The following ATXN7 variants were observed in gnomAD, a reference collection of about 807,000 sequenced individuals.
ATXN7 encodes ataxin 7, also known as ataxin-7.
A neutral mutation model predicts 70.5 loss-of-function variants in ATXN7; 12 were observed. The observed-to-expected ratio is 0.17, with a 90% CI of 0.11 to 0.28. The LOEUF (loss-of-function observed/expected upper bound fraction) is 0.28, where lower values mean the gene tolerates loss of function less well. Ranked by LOEUF, ATXN7 falls within the 10% of genes least tolerant of loss-of-function variation. The probability of loss-of-function intolerance (pLI) is 1.00; values close to 1 mark genes in which losing one functional copy is unlikely to be tolerated. For missense variants in ATXN7, 1,256 were observed against 1,131.7 expected (o/e 1.11, Z -1.58); for synonymous variants, 498 against 448.7 (o/e 1.11, Z -1.39).
chr3:63,970,554 C>T (rs961559230), intron 5 of ATXN7, among the ~76,000 whole-genome samples: 2 of 152,076 alleles, frequency 1.3e-5, no homozygotes, highest in African/African-American at 4.8e-5. Context: ...CAAAAAGCAA[C>T]AAGTTAGGCA....
intron 1 of ATXN7, among the ~76,000 whole-genome samples, chr3:63,894,935 TG>T (rs950305811): frequency 1.1e-4 from 16 of 152,126 alleles, no homozygotes; most frequent in African/African-American, 3.6e-4. Flanking sequence ...GGTTTCAGGT[TG>T]TTTTTTTTGT....
chr3:63,899,912 C>T lies in ATXN7; in HGVS notation c.-12+1415C>T, dbSNP rs140194514. 4.1e-3 allele frequency among the ~76,000 whole-genome samples: 620 copies of T among 152,096 alleles called. 2 individuals are homozygous for T. Among genetic ancestry groups the T allele is most frequent in the African/African-American group, 0.015 (602 of 41,496 alleles). ...GATTACACGCGTGAGCCACTGCGCC[C>T]GGCCTAAAAAAAATTTAAAAAATTA... On this transcript the variant is annotated intron_variant, in intron 2 of 12. Coordinates refer to ENST00000674280, the MANE Select transcript of ATXN7 (RefSeq NM_001377405.1).
Position 63,868,055 on chromosome 3 carries a change from T to C in ATXN7, c.-111+3897T>C, listed in dbSNP as rs74835545. Among the ~76,000 whole-genome samples the C allele has an allele frequency of 0.01, 1,528 of 152,226 alleles. 84 individuals are homozygous for C. The East Asian group carries it at 0.12, about 12-fold the overall frequency. The stretch of plus-strand genomic sequence containing the variant: ...GTGGCTGTGTTTTTAAAAAATTATA[T>C]CTAAAAATTCAGACCAGATCGTTTG... On this transcript the variant is annotated intron_variant, in intron 1 of 12. Coordinates refer to ENST00000674280, the MANE Select transcript of ATXN7 (RefSeq NM_001377405.1).
intron 4 of ATXN7, among the ~76,000 whole-genome samples, chr3:63,924,883 G>A (rs1012889372): frequency 6.6e-6 from 1 of 151,836 alleles, no homozygotes; most frequent in East Asian, 1.9e-4. Flanking sequence ...ATGATGAGGA[G>A]GTTTGTTTTA....
In ATXN7 at chr3:64,002,498, C is replaced by CTGT. The variant is rs2075843893; in HGVS notation, c.*3031_*3032insTGT. ...TTTTATGTGTGGGAGTATGTGACTG[C>CTGT]GTGTGTGTGTGCCTGTGCGTGTGTG... On this transcript the variant is annotated 3_prime_UTR_variant, in exon 13 of 13. Transcript: ENST00000674280. The CTGT allele has an allele frequency of 6.6e-6, 1 of 150,842 alleles. No individual in the cohort carries two copies. Among genetic ancestry groups the CTGT allele is most frequent in the East Asian group, 1.9e-4 (1 of 5,168 alleles). 9.3% of individuals were successfully genotyped at this position (150,842 alleles called of 1,614,324 possible). A position where few individuals can be genotyped will look rare whatever the true frequency, so the allele number is the denominator to read the frequency against.
chr3:63,963,517 A>G (rs1355397335), intron 5 of ATXN7, among the ~76,000 whole-genome samples: 1 of 152,052 alleles, frequency 6.6e-6, no homozygotes, highest in East Asian at 1.9e-4. Context: ...ATCCTTGTAT[A>G]TTTTTCTCAT....
intron 4 of ATXN7, among the ~76,000 whole-genome samples, chr3:63,925,673 AG>A: frequency 6.6e-6 from 1 of 152,188 alleles, no homozygotes; most frequent in Non-Finnish European, 1.5e-5. Context: ...CTCCCTAGCA[AG>A]GCCTGGATAG....
At chr3:63,865,894 CAAAAAAA>C (rs34205947) in intron 1 of ATXN7, among the ~76,000 whole-genome samples, 107 of 16,524 alleles carry the variant, frequency 6.5e-3, no homozygotes, top group South Asian at 0.026. Flanking sequence ...GACTCCATCT[CAAAAAAA>C]AAAAAAAAAA....
chr3:64,003,267 G>A lies in ATXN7; in HGVS notation c.*3800G>A, dbSNP rs527673842. 3.7e-5 allele frequency: 5 copies of A among 134,858 alleles called. No individual in the cohort carries two copies. The highest frequency in any genetic ancestry group is 2.2e-4 in the East Asian group (1 of 4,504). 8.4% of individuals were successfully genotyped at this position (134,858 alleles called of 1,614,324 possible). ...AAAAGCAATCTCCTGTGTTAAAAAC[G>A]TGTGAATAGTTTGATAATTTGTACA... On this transcript the variant is annotated 3_prime_UTR_variant, in exon 13 of 13. Transcript: ENST00000674280.
chr3:63,900,632 T>G (rs1703600998), intron 2 of ATXN7: 1 of 152,316 alleles, frequency 6.6e-6, no homozygotes, highest in Non-Finnish European at 1.5e-5. Flanking sequence ...TGGGGAGAAG[T>G]TAAGAGGAAA....
intron 4 of ATXN7, among the ~76,000 whole-genome samples, chr3:63,919,829 C>T (rs1026797138): frequency 6.9e-6 from 1 of 144,648 alleles, no homozygotes. Context: ...ACATACAGAG[C>T]ACGAATAGCG....
chr3:63,996,598 C>T, intron 12 of ATXN7, 115 bp downstream of exon 12: 4 of 551,936 alleles, frequency 7.2e-6, no homozygotes, highest in Non-Finnish European at 1.2e-5. Context: ...AACAGATATT[C>T]AGCTTCATGG....
In ATXN7 at chr3:63,912,886, T is replaced by C. The variant is rs572429085; in HGVS notation, c.288T>C (p.Asn96=). Residue 96 remains asparagine (N), a synonymous_variant, in exon 3 of 13, where the codon AAT becomes AAC. Transcript: ENST00000674280. ...AAGTGATGCTGGGACAGTCGTGGAATCTGTGGGTTGAGGCTTCCAAACTTC... is the reference window on the plus strand; with the variant it reads ...AAGTGATGCTGGGACAGTCGTGGAACCTGTGGGTTGAGGCTTCCAAACTTC... ...SPEVMLGQSW[N]LWVEASKLPG... is the part of the protein sequence containing the mutation. The C allele has an allele frequency of 6.2e-7, 1 of 1,613,300 alleles. No individual in the cohort carries two copies. The highest frequency in any genetic ancestry group is 1.1e-5 in the South Asian group (1 of 91,074).
At position 63,995,696 on chromosome 3, in the gene ATXN7, T is replaced by C. The variant is rs1276604471; in HGVS notation, c.1874T>C (p.Leu625Pro). ...SKSVPAHGTT[L>P]NAQPAASGAM... ...TCGGTACCAGCTCATGGAACCACAC[T>C]AAATGCACAGCCTGCTGCTTCAGGG... Residue 625 changes from leucine to proline, a missense_variant, in exon 12 of 13, where the codon CTA becomes CCA. Leu to Pro is a moderately conservative substitution (Grantham distance 98). Coordinates refer to ENST00000674280, the MANE Select transcript of ATXN7 (RefSeq NM_001377405.1). 6.2e-7 allele frequency: 1 copy of C among 1,614,094 alleles called. No individual in the cohort carries two copies. The highest frequency in any genetic ancestry group is 1.7e-5 in the Admixed American group (1 of 60,014).
At chr3:63,980,237 G>A in intron 6 of ATXN7, 70 bp downstream of exon 6, 1 of 1,571,038 alleles carries the variant, frequency 6.4e-7, no homozygotes. Flanking sequence ...AGTGGCATGT[G>A]AGAGTGCCTG....
chr3:63,931,651 A>C lies in ATXN7; in HGVS notation c.394+18426A>C, dbSNP rs182571981. On this transcript the variant is annotated intron_variant, in intron 4 of 12. Coordinates refer to ENST00000674280, the MANE Select transcript of ATXN7 (RefSeq NM_001377405.1). ...TGCCATCTATTTTTTTATTTTTTCA[A>C]ATACCCTTGACTGTATTTATTCTGT... is the stretch of plus-strand genomic sequence containing the variant. 1.1e-4 allele frequency among the ~76,000 whole-genome samples: 17 copies of C among 152,102 alleles called. No homozygotes were observed. In the East Asian group the frequency reaches 3.3e-3, roughly 29 times the overall value.
chr3:63,996,079 T>G lies in ATXN7; in HGVS notation c.2257T>G (p.Ser753Ala). 6.2e-7 allele frequency: 1 copy of G among 1,614,120 alleles called. No individual in the cohort carries two copies. Among genetic ancestry groups the G allele is most frequent in the South Asian group, 1.1e-5 (1 of 91,076 alleles). ...TCCCTACCCCTCAACGGTAACATCT[T>G]CCCATAGCATCGGCCTCAACTGTGT... ...GPPYPSTVTS[S>A]HSIGLNCVTN... The change falls in exon 12 of 13, where the codon TCC becomes GCC. Residue 753 changes from serine to alanine, a missense_variant. Coordinates refer to ENST00000674280, the MANE Select transcript of ATXN7 (RefSeq NM_001377405.1).
At chr3:63,929,800 T>C (rs1209052285) in intron 4 of ATXN7, among the ~76,000 whole-genome samples, 1 of 152,194 alleles carries the variant, frequency 6.6e-6, no homozygotes, top group East Asian at 1.9e-4. Context: ...TACATTACTG[T>C]GGCCTTACCT....
intron 5 of ATXN7, among the ~76,000 whole-genome samples, chr3:63,971,738 G>A (rs1364996400): frequency 6.6e-6 from 1 of 151,944 alleles, no homozygotes; most frequent in Non-Finnish European, 1.5e-5. Context: ...TTATTGCTTA[G>A]GATAATGCTA....
Sources: allele counts gnomAD v4.1 joint callset (sites outside exome capture counted in the v4.1 genomes callset), GRCh38; gene constraint gnomAD v4.1.1; transcripts MANE v1.5; gene names NCBI Gene and HGNC (gene_info 2026-07-23, HGNC 2026-07-21).